UPRT: variants seen among roughly 807,000 people sequenced by gnomAD.
The protein encoded by UPRT is uracil phosphoribosyltransferase homolog.
UPRT carries 5 observed loss-of-function variants against 22.6 expected under a neutral mutation model. That is an observed-to-expected ratio of 0.22 (90% confidence interval 0.12 to 0.47). The LOEUF (loss-of-function observed/expected upper bound fraction) is 0.47, where lower values mean the gene tolerates loss of function less well. Ranked by LOEUF, UPRT falls within the 20% of genes least tolerant of loss-of-function variation. UPRT has a pLI of 0.99. For synonymous variants in UPRT, 77 were observed against 87.7 expected, an observed-to-expected ratio of 0.88 and a Z score of 0.68; for missense variants, 181 against 239.9, an observed-to-expected ratio of 0.75 and a Z score of 1.62.
chrX:75,301,462 G>A (rs1165566664), intron 6 of UPRT, among the ~76,000 whole-genome samples: 2 of 111,576 alleles, frequency 1.8e-5, no homozygotes, highest in Non-Finnish European at 3.8e-5. Flanking sequence ...AGTGTTTTTC[G>A]CCATACATTG....
chrX:75,230,939 A>G (rs2082436450), intron 4 of UPRT, among the ~76,000 whole-genome samples: 2 of 112,197 alleles, frequency 1.8e-5, no homozygotes, highest in South Asian at 3.7e-4. Flanking sequence ...ATGGGACAAA[A>G]TAATCTGAAC....
intron 1 of UPRT, among the ~76,000 whole-genome samples, chrX:75,279,169 A>G (rs2082643139): frequency 9.0e-6 from 1 of 111,095 alleles, no homozygotes. Context: ...GATTCGGGCT[A>G]TAGATATGGT....
chrX:75,239,172 T>C (rs2082479941), intron 4 of UPRT, among the ~76,000 whole-genome samples: 1 of 111,143 alleles, frequency 9.0e-6, no homozygotes. Context: ...AACAAAAAGA[T>C]GGTTCTTTTG....
At chrX:75,218,366 A>G (rs2082399751) in intron 4 of UPRT, among the ~76,000 whole-genome samples, 2 of 109,119 alleles carry the variant, frequency 1.8e-5, no homozygotes, top group South Asian at 4.1e-4. Context: ...TAGAGTGGCA[A>G]TCATTAAAAA....
intron 4 of UPRT, among the ~76,000 whole-genome samples, chrX:75,199,231 C>T (rs750222714): frequency 6.3e-5 from 7 of 111,764 alleles, no homozygotes; most frequent in Admixed American, 1.9e-4. Context: ...ACCAGCTGTC[C>T]GCAAACCCCA....
At chrX:75,253,057 G>T (rs1478035987) in intron 4 of UPRT, among the ~76,000 whole-genome samples, 1 of 110,869 alleles carries the variant, frequency 9.0e-6, no homozygotes, top group Non-Finnish European at 1.9e-5. Context: ...TTGGAGGAGG[G>T]GGGAGGGATA....
chrX:75,176,682 C>T (rs2082247810), intron 4 of UPRT, among the ~76,000 whole-genome samples: 1 of 110,744 alleles, frequency 9.0e-6, no homozygotes, highest in Non-Finnish European at 1.9e-5. Context: ...GTATCATCAA[C>T]AGGAAGGGGA....
chrX:75,282,552 G>T (rs76264296), intron 1 of UPRT, among the ~76,000 whole-genome samples: 2 of 111,446 alleles, frequency 1.8e-5, no homozygotes, highest in South Asian at 7.5e-4. Context: ...TCAGGAACAG[G>T]TTATTTAATT....
chrX:75,184,492 G>C (rs1476109517), intron 4 of UPRT, among the ~76,000 whole-genome samples: 2 of 105,553 alleles, frequency 1.9e-5, no homozygotes, highest in Admixed American at 1.0e-4. Flanking sequence ...GCTTAGGATT[G>C]ACTTGGCGAT....
upstream of UPRT, among the ~76,000 whole-genome samples, chrX:75,272,358 G>GTATATATGTATATATATGTATATATA (rs1569279568): frequency 6.7e-4 from 57 of 85,608 alleles, no homozygotes; most frequent in African/African-American, 2.7e-3. Flanking sequence ...ATATATATAT[G>GTATATATGTATATATATGTATATATA]TGTATATATA....
At position 75,286,913 on chromosome X, in the gene UPRT, A is replaced by T. The variant is rs747286873; in HGVS notation, c.387-6559A>T. ...GTAGTGATAATAAAATCTACTTCTT[A>T]AATTGTATGAAGATTAGATGAGATA... On this transcript the variant is annotated intron_variant, in intron 1 of 6. Transcript: ENST00000373383. 3.6e-5 allele frequency among the ~76,000 whole-genome samples: 4 copies of T among 111,345 alleles called. No homozygotes were observed. The South Asian group carries it at 1.5e-3, about 42-fold the overall frequency.
At chrX:75,250,176 CA>C (rs1268323475) in intron 4 of UPRT, among the ~76,000 whole-genome samples, 1 of 110,682 alleles carries the variant, frequency 9.0e-6, no homozygotes, top group African/African-American at 3.3e-5. Flanking sequence ...CAAACACATT[CA>C]AAAGCTAGCA....
chrX:75,222,498 G>A (rs2082412992), intron 4 of UPRT, among the ~76,000 whole-genome samples: 1 of 111,815 alleles, frequency 8.9e-6, no homozygotes, highest in South Asian at 3.7e-4. Flanking sequence ...AGAAGCCTTA[G>A]AAATCTGCCA....
chrX:75,279,559 A>G (rs1420848626), intron 1 of UPRT, among the ~76,000 whole-genome samples: 1 of 111,820 alleles, frequency 8.9e-6, no homozygotes, highest in African/African-American at 3.2e-5. Context: ...TAATCAGATA[A>G]AATGATAGTT....
intron 4 of UPRT, among the ~76,000 whole-genome samples, chrX:75,202,314 A>G (rs2082349432): frequency 9.0e-6 from 1 of 111,159 alleles, no homozygotes; most frequent in African/African-American, 3.3e-5. Context: ...TTGACAGTGA[A>G]CTTGTGCCCG....
At chrX:75,280,870 C>G (rs2082653713) in intron 1 of UPRT, among the ~76,000 whole-genome samples, 1 of 111,528 alleles carries the variant, frequency 9.0e-6, no homozygotes, top group Non-Finnish European at 1.9e-5. Context: ...GCAGTATGAT[C>G]ATTTTCACAA....
intron 4 of UPRT, among the ~76,000 whole-genome samples, chrX:75,236,753 A>G (rs2082466503): frequency 8.9e-6 from 1 of 112,585 alleles, no homozygotes; most frequent in East Asian, 2.8e-4. Context: ...CAGATGTAGA[A>G]AGCTGAAACT....
At chrX:75,265,978 T>C (rs781595469) in intron 4 of UPRT, among the ~76,000 whole-genome samples, 82 of 111,035 alleles carry the variant, frequency 7.4e-4, no homozygotes, top group African/African-American at 2.7e-3. Context: ...TGCTCATGGG[T>C]AGGAAGAATC....
At chrX:75,260,934 T>TGAGGATTAG (rs764921743) in intron 4 of UPRT, among the ~76,000 whole-genome samples, 50 of 112,297 alleles carry the variant, frequency 4.5e-4, no homozygotes, top group South Asian at 7.3e-4. Flanking sequence ...AAATGAGAAC[T>TGAGGATTAG]GAGGATTAGG....
Sources: gnomAD v4.1 joint callset for allele counts (sites outside exome capture counted in the v4.1 genomes callset) on GRCh38, gnomAD v4.1.1 for gene constraint, MANE v1.5 for transcripts, NCBI Gene and HGNC (gene_info 2026-07-23, HGNC 2026-07-21) for gene names.